SETD3: variants seen among roughly 807,000 people sequenced by gnomAD.
The protein encoded by SETD3 is SET domain containing 3, actin N3(tau)-histidine methyltransferase.
SETD3 carries 19 observed loss-of-function variants against 63.0 expected under a neutral mutation model. That is an observed-to-expected ratio of 0.30 (90% CI 0.21 to 0.44). The LOEUF (loss-of-function observed/expected upper bound fraction) is 0.44. Ranked by LOEUF, SETD3 falls within the 20% of genes least tolerant of loss-of-function variation. The probability of loss-of-function intolerance (pLI) is 1.00; values close to 1 mark genes in which losing one functional copy is unlikely to be tolerated. For missense variants in SETD3, 587 were observed against 728.5 expected, an observed-to-expected ratio of 0.81 and a Z score of 2.24; for synonymous variants, 286 against 264.1, an observed-to-expected ratio of 1.08 and a Z score of -0.80.
chr14:99,412,315 T>TCCTC, intron 8 of SETD3: 1 of 153,020 alleles, frequency 6.5e-6, no homozygotes, highest in East Asian at 1.9e-4. Context: ...TACAACTTCC[T>TCCTC]CCTCCCCAGG....
Position 99,397,816 on chromosome 14 carries a change from G to GT in SETD3, c.*862dup, listed in dbSNP as rs1332819554. ...TAGCTTTGAAAATCTCTAGCTTGTT[G>GT]TGAAAACCAGGAAAGCCAAGGAGCT... On this transcript the variant is annotated 3_prime_UTR_variant, in exon 13 of 13. Coordinates refer to ENST00000331768, the MANE Select transcript of SETD3 (RefSeq NM_032233.3). 2.0e-5 allele frequency: 3 copies of GT among 152,420 alleles called. No homozygotes were observed. Among genetic ancestry groups the GT allele is most frequent in the Non-Finnish European group, 4.4e-5 (3 of 68,030 alleles). 9.4% of individuals were successfully genotyped at this position (152,420 alleles called of 1,614,324 possible).
intron 6 of SETD3, among the ~76,000 whole-genome samples, chr14:99,449,549 G>A (rs1894336700): frequency 1.3e-5 from 2 of 152,166 alleles, no homozygotes; most frequent in African/African-American, 4.8e-5. Flanking sequence ...AACCGGTCAG[G>A]CCAGCAGTGC....
At chr14:99,467,807 G>C (rs1056164557) in intron 1 of SETD3, among the ~76,000 whole-genome samples, 9 of 152,144 alleles carry the variant, frequency 5.9e-5, no homozygotes, top group African/African-American at 2.2e-4. Flanking sequence ...GGCCCTCACA[G>C]GGTGCCCACC....
At chr14:99,473,085 C>G (rs1416400802) in intron 1 of SETD3, among the ~76,000 whole-genome samples, 1 of 152,234 alleles carries the variant, frequency 6.6e-6, no homozygotes, top group Non-Finnish European at 1.5e-5. Context: ...ACAACCTCCC[C>G]ATCTAACAGA....
intron 6 of SETD3, among the ~76,000 whole-genome samples, chr14:99,440,692 G>C (rs1271061565): frequency 6.6e-6 from 1 of 151,738 alleles, no homozygotes; most frequent in Non-Finnish European, 1.5e-5. Context: ...GAGAGCTCTC[G>C]GCATCTGTGG....
intron 6 of SETD3, among the ~76,000 whole-genome samples, chr14:99,439,435 G>C (rs1893665242): frequency 1.3e-5 from 2 of 152,050 alleles, no homozygotes; most frequent in South Asian, 4.1e-4. Flanking sequence ...TTTCCTGTTT[G>C]TTTTCCTTCA....
chr14:99,424,062 T>G (rs1181793140), intron 6 of SETD3, among the ~76,000 whole-genome samples: 2 of 152,172 alleles, frequency 1.3e-5, no homozygotes, highest in African/African-American at 4.8e-5. Flanking sequence ...GAAAGAATAG[T>G]TTAATCAGTG....
chr14:99,445,541 T>G (rs1377353893), intron 6 of SETD3, among the ~76,000 whole-genome samples: 1 of 152,216 alleles, frequency 6.6e-6, no homozygotes, highest in African/African-American at 2.4e-5. Context: ...GTTTTCTTCC[T>G]TGAGAGTAGA....
chr14:99,474,628 G>A (rs925116770), intron 1 of SETD3, among the ~76,000 whole-genome samples: 5 of 152,190 alleles, frequency 3.3e-5, no homozygotes, highest in African/African-American at 9.7e-5. Flanking sequence ...ATTTTGGGAG[G>A]CCGAGGCGGA....
chr14:99,423,728 C>A (rs957396024), intron 6 of SETD3, among the ~76,000 whole-genome samples: 2 of 151,430 alleles, frequency 1.3e-5, no homozygotes, highest in African/African-American at 4.9e-5. Flanking sequence ...TACACTCTGT[C>A]TTAAACTGAA....
At chr14:99,439,206 A>C (rs1414481707) in intron 6 of SETD3, among the ~76,000 whole-genome samples, 1 of 152,228 alleles carries the variant, frequency 6.6e-6, no homozygotes, top group East Asian at 1.9e-4. Flanking sequence ...CAGGCTTCTC[A>C]GCTCCAGGGC....
At chr14:99,402,733 C>T (rs538787544) in intron 11 of SETD3, among the ~76,000 whole-genome samples, 3 of 152,228 alleles carry the variant, frequency 2.0e-5, no homozygotes, top group Non-Finnish European at 2.9e-5. Flanking sequence ...CGTGCTACCA[C>T]GCCCAGCTAA....
At chr14:99,478,940 T>C (rs1356024628) in intron 1 of SETD3, among the ~76,000 whole-genome samples, 1 of 152,242 alleles carries the variant, frequency 6.6e-6, no homozygotes, top group Non-Finnish European at 1.5e-5. Context: ...TCATTTAAAA[T>C]GTGGCCTAAA....
chr14:99,430,104 C>G (rs1437044717), intron 6 of SETD3, among the ~76,000 whole-genome samples: 1 of 152,228 alleles, frequency 6.6e-6, no homozygotes, highest in African/African-American at 2.4e-5. Flanking sequence ...GTAAGTTTCC[C>G]AGGTGACTTA....
At chr14:99,400,382 C>CATTGCGTAGGGACAGCT in intron 11 of SETD3, 123 bp from the exon 12 acceptor site, 2 of 1,060,956 alleles carry the variant, frequency 1.9e-6, no homozygotes, top group Non-Finnish European at 2.7e-6. Context: ...AAAGCTGTCC[C>CATTGCGTAGGGACAGCT]TACGCAATGG....
intron 6 of SETD3, among the ~76,000 whole-genome samples, chr14:99,457,667 C>T (rs1894835345): frequency 6.6e-6 from 1 of 152,206 alleles, no homozygotes. Flanking sequence ...CTGGTGGGGA[C>T]TGTGGTACTG....
chr14:99,468,346 C>T (rs997481443), intron 1 of SETD3, among the ~76,000 whole-genome samples: 1 of 152,108 alleles, frequency 6.6e-6, no homozygotes, highest in Non-Finnish European at 1.5e-5. Context: ...GTACATCTCC[C>T]TGCCCAAGCC....
At position 99,406,564 on chromosome 14, in the gene SETD3, A is replaced by G; in HGVS notation, c.876T>C (p.Asp292=). 6.2e-7 allele frequency: 1 copy of G among 1,614,252 alleles called. No individual in the cohort carries two copies. Among genetic ancestry groups the G allele is most frequent in the South Asian group, 1.1e-5 (1 of 91,088 alleles). ...GCAGAGCCACACACTCACAGCGGTC[A>G]TCTTCCAGGTTGTAACCAGTAGTGA... The part of the protein sequence containing the change: ...GLITTGYNLE[D]DRCECVALQD... Residue 292 remains aspartate (D), a synonymous_variant, in exon 9 of 13, where the codon GAT becomes GAC. Coordinates refer to ENST00000331768, the MANE Select transcript of SETD3 (RefSeq NM_032233.3).
chr14:99,414,915 C>T (rs918804966), intron 6 of SETD3, among the ~76,000 whole-genome samples: 28 of 152,226 alleles, frequency 1.8e-4, no homozygotes, highest in Non-Finnish European at 3.4e-4. Context: ...TCACTCGTGA[C>T]GCATTGGCAT....
Sources: allele counts gnomAD v4.1 joint callset (sites outside exome capture counted in the v4.1 genomes callset), GRCh38; gene constraint gnomAD v4.1.1; transcripts MANE v1.5; gene names NCBI Gene and HGNC (gene_info 2026-07-23, HGNC 2026-07-21).